The following SIM2 variants were observed in gnomAD, a reference collection of about 807,000 sequenced individuals.
The protein encoded by SIM2 is SIM bHLH transcription factor 2.
SIM2 carries 28 observed loss-of-function variants against 64.8 expected under a neutral mutation model. That is an observed-to-expected ratio of 0.43 (90% CI 0.32 to 0.59). The LOEUF (loss-of-function observed/expected upper bound fraction) is 0.59. Ranked by LOEUF, SIM2 falls within the 20% of genes least tolerant of loss-of-function variation. SIM2 has a pLI of 0.07. For synonymous variants in SIM2, 408 were observed against 391.1 expected (o/e 1.04, Z -0.51); for missense variants, 847 against 871.4 (o/e 0.97, Z 0.35).
At chr21:36,735,712 G>A (rs1256419605) in intron 7 of SIM2, among the ~76,000 whole-genome samples, 1 of 152,186 alleles carries the variant, frequency 6.6e-6, no homozygotes, top group Non-Finnish European at 1.5e-5. Flanking sequence ...TAGTGTCCCA[G>A]GCACAATTCA....
chr21:36,744,548 A>C (rs1198742278), intron 9 of SIM2, among the ~76,000 whole-genome samples, 180 bp from the exon 10 acceptor site: 2 of 152,116 alleles, frequency 1.3e-5, no homozygotes, highest in African/African-American at 4.8e-5. Flanking sequence ...CCACCCTGGG[A>C]GCAGGTCACT....
chr21:36,734,446 G>T (rs1157139916), intron 7 of SIM2, among the ~76,000 whole-genome samples: 1 of 152,172 alleles, frequency 6.6e-6, no homozygotes, highest in Non-Finnish European at 1.5e-5. Flanking sequence ...AAAATAGCAA[G>T]ATTGACAGTG....
Position 36,726,230 on chromosome 21 carries a change from C to G in SIM2, c.655C>G (p.Pro219Ala). The change falls in exon 6 of 11, where the codon CCC (proline) becomes GCC (alanine). Residue 219 changes from proline (P) to alanine (A), a missense_variant. Physicochemically the swap from Pro to Ala is conservative, Grantham distance 27. Around this residue, in one of 3 missense-constraint regions of SIM2, gnomAD observed 397 missense variants for 439.2 expected, o/e 0.90. Transcript: ENST00000290399. The surrounding 1 kb of genome is among the most constrained non-coding windows in gnomAD (Gnocchi z 4.5). ...GGTGGCCGTGGGCCAGTCGCTGCCA[C>G]CCAGTGCCATCACCGAGATCAAGCT... ...GLVAVGQSLP[P>A]SAITEIKLYS... is the part of the protein sequence containing the mutation. The G allele has an allele frequency of 6.2e-7, 1 of 1,613,830 alleles. No homozygotes were observed. The highest frequency in any genetic ancestry group is 8.5e-7 in the Non-Finnish European group (1 of 1,180,026).
At chr21:36,715,615 A>G (rs1316045420) in intron 3 of SIM2, among the ~76,000 whole-genome samples, 1 of 152,226 alleles carries the variant, frequency 6.6e-6, no homozygotes, top group African/African-American at 2.4e-5. Flanking sequence ...CTTATTAAGT[A>G]AAGATGTCTT....
At chr21:36,704,701 C>T (rs967951375) in intron 1 of SIM2, among the ~76,000 whole-genome samples, 1 of 152,238 alleles carries the variant, frequency 6.6e-6, no homozygotes, top group Non-Finnish European at 1.5e-5. Context: ...GGTCTGCGCA[C>T]GGCAATGGGG....
rs986109214 is a variant in SIM2 at position 36,749,655 on chromosome 21, A to T, written c.*1563A>T. The T allele has an allele frequency of 6.6e-6, 1 of 152,138 alleles. No individual in the cohort carries two copies. The highest frequency in any genetic ancestry group is 1.5e-5 in the Non-Finnish European group (1 of 68,032). The allele number at this position is 152,138 out of a possible 1,614,324, so 9.4% of individuals were successfully genotyped here. On this transcript the variant is annotated 3_prime_UTR_variant, in exon 11 of 11. Transcript: ENST00000290399. ...TATACCTCATTCACAGCTCCTTGTG[A>T]GTGTGTGCACAGGAAATAAGCCGAG...
intron 2 of SIM2, 176 bp downstream of exon 2, chr21:36,709,426 G>A (rs1449798755): frequency 1.3e-5 from 9 of 709,218 alleles, no homozygotes; most frequent in Non-Finnish European, 2.3e-5. Context: ...TGTCGGATGC[G>A]GCCTGCGGCC....
At position 36,719,897 on chromosome 21, in the gene SIM2, C is replaced by G. The variant is rs748644588; in HGVS notation, c.425C>G (p.Ala142Gly). The change falls in exon 4 of 11, where the codon GCC becomes GGC. Residue 142 changes from alanine to glycine, a missense_variant. By Grantham distance (60) the Ala-to-Gly change is moderately conservative (BLOSUM62 0). Transcript: ENST00000290399. ...GATGAGATGACCGCTGTCCTCACGG[C>G]CCACCAGCCGCTGCACCACCACCTG... is the stretch of plus-strand genomic sequence containing the variant. The part of the protein sequence containing the change: ...DHDEMTAVLT[A>G]HQPLHHHLLQ... 6.2e-7 allele frequency: 1 copy of G among 1,612,312 alleles called. No individual in the cohort carries two copies. The highest frequency in any genetic ancestry group is 8.5e-7 in the Non-Finnish European group (1 of 1,178,698).
In SIM2 at chr21:36,744,848, CT is replaced by C; in HGVS notation, c.1290del (p.Leu431CysfsTer50). 6.2e-7 allele frequency: 1 copy of C among 1,614,254 alleles called. No individual in the cohort carries two copies. The highest frequency in any genetic ancestry group is 8.5e-7 in the Non-Finnish European group (1 of 1,180,038). On this transcript the variant is annotated frameshift_variant, in exon 10 of 11. Coordinates refer to ENST00000290399, the MANE Select transcript of SIM2 (RefSeq NM_005069.6). LOFTEE classifies it high-confidence loss of function. ...ELQPHSESSD[L>X]LYTPSYSLPF... ...GCAGCCCCACTCAGAAAGCAGTGAC[CT>C]TCTGTACACGCCATCCTACAGCCTG...
chr21:36,732,067 G>A (rs1223344999), intron 7 of SIM2, among the ~76,000 whole-genome samples: 2 of 152,110 alleles, frequency 1.3e-5, no homozygotes, highest in East Asian at 3.9e-4. Context: ...ATTTTTAGTA[G>A]AGACGGGGTT....
At position 36,748,167 on chromosome 21, in the gene SIM2, C is replaced by A; in HGVS notation, c.*75C>A. On this transcript the variant is annotated 3_prime_UTR_variant, in exon 11 of 11. Transcript: ENST00000290399. Reference sequence around the variant, plus strand: ...GGCGCCACCGAGCCCGGCAAATGCGCACGACCTACATTAATTTATGCAGAG... The same window carrying A: ...GGCGCCACCGAGCCCGGCAAATGCGAACGACCTACATTAATTTATGCAGAG... 1.6e-6 allele frequency: 1 copy of A among 638,980 alleles called. No individual in the cohort carries two copies. The highest frequency in any genetic ancestry group is 2.0e-6 in the Non-Finnish European group (1 of 488,456). The allele number at this position is 638,980 out of a possible 1,614,324, so 39.6% of individuals were successfully genotyped here.
At chr21:36,730,275 A>C (rs550272912) in intron 6 of SIM2, among the ~76,000 whole-genome samples, 2 of 152,360 alleles carry the variant, frequency 1.3e-5, no homozygotes, top group South Asian at 4.1e-4. Context: ...TGTCTACATA[A>C]AACAGAAACG....
intron 3 of SIM2, among the ~76,000 whole-genome samples, chr21:36,715,788 G>T (rs1392441624): frequency 1.3e-5 from 2 of 152,148 alleles, no homozygotes; most frequent in East Asian, 1.9e-4. Flanking sequence ...TTATTTGAGG[G>T]TATGGAAATG....
intron 3 of SIM2, among the ~76,000 whole-genome samples, chr21:36,713,424 T>A (rs1267030450): frequency 6.6e-6 from 1 of 152,200 alleles, no homozygotes; most frequent in East Asian, 1.9e-4. Flanking sequence ...CTCATTCACA[T>A]GCCTGACTTA....
chr21:36,749,867 C>T lies in SIM2; in HGVS notation c.*1775C>T, dbSNP rs2089314793. The T allele has an allele frequency of 6.6e-6, 1 of 152,070 alleles. No individual in the cohort carries two copies. Among genetic ancestry groups the T allele is most frequent in the Non-Finnish European group, 1.5e-5 (1 of 68,016 alleles). 9.4% of individuals were successfully genotyped at this position (152,070 alleles called of 1,614,324 possible). ...ATAAATCAAGGCTATCGGAGCAGTT[C>T]AATAACAAAGGTTACTGTTGAGAAA... On this transcript the variant is annotated 3_prime_UTR_variant, in exon 11 of 11. Coordinates refer to ENST00000290399, the MANE Select transcript of SIM2 (RefSeq NM_005069.6).
At chr21:36,705,925 G>C (rs1239592177) in intron 1 of SIM2, among the ~76,000 whole-genome samples, 2 of 152,216 alleles carry the variant, frequency 1.3e-5, no homozygotes, top group Non-Finnish European at 2.9e-5. Flanking sequence ...TGTGTCCTGG[G>C]CTGGACCCAC....
chr21:36,720,938 AG>A (rs764074269), intron 4 of SIM2, among the ~76,000 whole-genome samples: 4 of 152,334 alleles, frequency 2.6e-5, no homozygotes, highest in Non-Finnish European at 5.9e-5. Flanking sequence ...AAAATGCAAA[AG>A]AAGAGGCTTT....
At chr21:36,733,908 C>T (rs2835449) in intron 7 of SIM2, among the ~76,000 whole-genome samples, 37,037 of 152,078 alleles carry the variant, frequency 0.24, 4,789 homozygotes, top group Non-Finnish European at 0.29. Context: ...GTCATGAAGC[C>T]CACAGTGGTG....
At chr21:36,730,198 G>A (rs1011964948) in intron 6 of SIM2, among the ~76,000 whole-genome samples, 13 of 152,290 alleles carry the variant, frequency 8.5e-5, no homozygotes, top group Admixed American at 3.3e-4. Context: ...TTAAACACTC[G>A]CACCCGCAGT....
Sources: gnomAD v4.1 joint callset for allele counts (sites outside exome capture counted in the v4.1 genomes callset) on GRCh38, gnomAD v4.1.1 for gene constraint, gnomAD v4.1.1 regional missense constraint, Gnocchi (gnomAD v3.1) non-coding constraint, MANE v1.5 for transcripts, NCBI Gene and HGNC (gene_info 2026-07-23, HGNC 2026-07-21) for gene names.